The following TP53BP2 variants were observed in gnomAD, a reference collection of about 807,000 sequenced individuals.
TP53BP2 encodes apoptosis-stimulating of p53 protein 2.
A neutral mutation model predicts 126.2 loss-of-function variants in TP53BP2; 62 were observed. The observed-to-expected ratio is 0.49, with a 90% CI of 0.40 to 0.61. The LOEUF is 0.61. TP53BP2 is among the 20% of genes least tolerant of loss of function. The pLI is 0.00. For missense variants in TP53BP2, 1,215 were observed against 1,402.8 expected (o/e 0.87, Z 2.14); for synonymous variants, 485 against 502.9 (o/e 0.96, Z 0.48).
chr1:223,791,269 T>TA (rs751282012), intron 15 of TP53BP2, among the ~76,000 whole-genome samples: 73 of 109,218 alleles, frequency 6.7e-4, no homozygotes, highest in Non-Finnish European at 1.0e-3. Context: ...TCTACAAAAA[T>TA]AAAAATAAAA....
chr1:223,845,009 T>G (rs554636678), intron 1 of TP53BP2, among the ~76,000 whole-genome samples: 2 of 152,298 alleles, frequency 1.3e-5, no homozygotes, highest in Non-Finnish European at 2.9e-5. Context: ...TGTGGCCTGG[T>G]GGCCGTGTCA....
chr1:223,786,411 C>A (rs991087630), intron 16 of TP53BP2, among the ~76,000 whole-genome samples: 1 of 152,058 alleles, frequency 6.6e-6, no homozygotes, highest in Non-Finnish European at 1.5e-5. Context: ...ACTTAAACAG[C>A]ACATCCTGGT....
intron 13 of TP53BP2, among the ~76,000 whole-genome samples, chr1:223,793,919 A>C (rs537873764): frequency 1.3e-5 from 2 of 152,128 alleles, no homozygotes; most frequent in African/African-American, 4.8e-5. Flanking sequence ...CCTCACAAAA[A>C]CCCTATGATC....
chr1:223,802,965 T>C, intron 7 of TP53BP2, 70 bp from the exon 8 acceptor site: 1 of 1,518,332 alleles, frequency 6.6e-7, no homozygotes, highest in Non-Finnish European at 9.0e-7. Flanking sequence ...GTTAATCACA[T>C]GGTTAACTAT....
At chr1:223,780,937 G>T (rs1661755051) in intron 17 of TP53BP2, 43 bp from the exon 18 acceptor site, 3 of 1,553,864 alleles carry the variant, frequency 1.9e-6, no homozygotes, top group Non-Finnish European at 2.6e-6. Context: ...TAATAGATGT[G>T]TGGGAATATA....
intron 1 of TP53BP2, among the ~76,000 whole-genome samples, chr1:223,843,648 C>T (rs1407016679): frequency 3.3e-5 from 5 of 152,232 alleles, no homozygotes; most frequent in African/African-American, 7.2e-5. Flanking sequence ...AGGCAATTGT[C>T]TACATTCTGA....
chr1:223,830,880 C>T (rs1663679564), intron 1 of TP53BP2, among the ~76,000 whole-genome samples: 3 of 152,136 alleles, frequency 2.0e-5, no homozygotes, highest in South Asian at 4.1e-4. Flanking sequence ...AGGAGGATCA[C>T]GAGGTCAGGA....
intron 2 of TP53BP2, chr1:223,818,133 A>G (rs1663157136): frequency 6.6e-6 from 1 of 152,586 alleles, no homozygotes; most frequent in African/African-American, 2.4e-5. Context: ...TCTGGCTAAA[A>G]TCATAAGTGA....
At chr1:223,781,952 C>T (rs951549053) in intron 17 of TP53BP2, among the ~76,000 whole-genome samples, 1 of 152,112 alleles carries the variant, frequency 6.6e-6, no homozygotes, top group Non-Finnish European at 1.5e-5. Context: ...ATCTTCTAAG[C>T]GCCACACACA....
chr1:223,785,464 CAA>C (rs1220652438), intron 16 of TP53BP2, among the ~76,000 whole-genome samples: 1 of 152,190 alleles, frequency 6.6e-6, no homozygotes, highest in Non-Finnish European at 1.5e-5. Context: ...TGTAATTTCA[CAA>C]AGTTTTTAAA....
intron 11 of TP53BP2, among the ~76,000 whole-genome samples, chr1:223,799,055 G>A (rs190468870): frequency 3.3e-4 from 50 of 152,342 alleles, no homozygotes; most frequent in Admixed American, 5.9e-4. Context: ...CTGGGCAACA[G>A]AACAAGACTC....
At chr1:223,815,929 C>T (rs941741734) in intron 2 of TP53BP2, among the ~76,000 whole-genome samples, 2 of 152,138 alleles carry the variant, frequency 1.3e-5, no homozygotes, top group African/African-American at 2.4e-5. Flanking sequence ...GTAGGCTATA[C>T]CATCTAGATT....
At position 223,825,442 on chromosome 1, in the gene TP53BP2, GTTCTGTCTT is replaced by G. The variant is rs1379646591; in HGVS notation, c.28-4084_28-4076del. 2.6e-5 allele frequency among the ~76,000 whole-genome samples: 4 copies of G among 152,148 alleles called. No individual in the cohort carries two copies. In the East Asian group the frequency reaches 7.7e-4, roughly 29 times the overall value. ...GGTGCCAAGTGTGTCACTGCCTCTA[GTTCTGTCTT>G]TTAGAGCAACATTTTGCCCACAATC... On this transcript the variant is annotated intron_variant, in intron 1 of 17. Coordinates refer to ENST00000343537, the MANE Select transcript of TP53BP2 (RefSeq NM_001031685.3).
intron 13 of TP53BP2, among the ~76,000 whole-genome samples, chr1:223,795,501 C>A (rs1558091427): frequency 6.6e-6 from 1 of 152,106 alleles, no homozygotes; most frequent in Non-Finnish European, 1.5e-5. Context: ...AGTTTCAAAC[C>A]CAGGTCTTTT....
chr1:223,845,747 G>A lies in TP53BP2; in HGVS notation c.-67C>T, dbSNP rs1209156548. 7.0e-7 allele frequency: 1 copy of A among 1,428,004 alleles called. No homozygotes were observed. Among genetic ancestry groups the A allele is most frequent in the East Asian group, 3.0e-5 (1 of 33,486 alleles). 88.5% of individuals were successfully genotyped at this position (1,428,004 alleles called of 1,614,324 possible). A position where few individuals can be genotyped will look rare whatever the true frequency, so the allele number is the denominator to read the frequency against. Reference sequence around the variant, plus strand: ...GCCCCGGAGGGTCGCGGATGCGGGGGAGGGGAGCGGAGAGCGAGGCCGCCC... The same window carrying A: ...GCCCCGGAGGGTCGCGGATGCGGGGAAGGGGAGCGGAGAGCGAGGCCGCCC... On this transcript the variant is annotated 5_prime_UTR_variant, in exon 1 of 18. Transcript: ENST00000343537.
chr1:223,785,919 T>G (rs1661936184), intron 16 of TP53BP2, among the ~76,000 whole-genome samples: 1 of 151,822 alleles, frequency 6.6e-6, no homozygotes, highest in South Asian at 2.1e-4. Context: ...CACTGTGACC[T>G]GGCAAGTCCA....
At chr1:223,803,212 G>A (rs530903025) in intron 7 of TP53BP2, 59 bp downstream of exon 7, 17 of 1,530,784 alleles carry the variant, frequency 1.1e-5, no homozygotes, top group Non-Finnish European at 1.1e-5. Context: ...CTACTTATAT[G>A]AGCAACTCTG....
chr1:223,812,468 C>T lies in TP53BP2; in HGVS notation c.289+1772G>A, dbSNP rs190111905. Among the ~76,000 whole-genome samples, 33 of 151,798 alleles carry T rather than the reference C, an allele frequency of 2.2e-4. 1 individual carries two copies. The South Asian group carries it at 2.3e-3, about 11-fold the overall frequency. ...TGTGATCTCGGCTCACTGCAACATC[C>T]GCCTCCCGGGTTCAAGCGATTCTTC... On this transcript the variant is annotated intron_variant, in intron 3 of 17. Coordinates refer to ENST00000343537, the MANE Select transcript of TP53BP2 (RefSeq NM_001031685.3).
At chr1:223,821,559 G>A (rs1370928153) in intron 1 of TP53BP2, 192 bp from the exon 2 acceptor site, 2 of 759,558 alleles carry the variant, frequency 2.6e-6, no homozygotes, top group East Asian at 5.1e-5. Flanking sequence ...CCCCTACCAT[G>A]GGGCAGTAGC....
Sources: gnomAD v4.1 joint callset for allele counts (sites outside exome capture counted in the v4.1 genomes callset) on GRCh38, gnomAD v4.1.1 for gene constraint, MANE v1.5 for transcripts, NCBI Gene and HGNC (gene_info 2026-07-23, HGNC 2026-07-21) for gene names.